Variants in GYPE observed in about 807,000 individuals in gnomAD.
GYPE encodes glycophorin-E.
Under a neutral mutation model 11.6 loss-of-function variants are expected in GYPE, and 8 were observed. The ratio of observed to expected loss-of-function variants is 0.69; its 90% CI spans 0.41 to 1.25. The LOEUF is 1.25. Ranked by LOEUF, GYPE falls within the 50% of genes most tolerant of loss-of-function variation. The pLI, the probability that GYPE is intolerant of heterozygous loss-of-function variation, is 0.01. For missense variants in GYPE, 90 were observed against 92.8 expected (o/e 0.97, Z 0.12); for synonymous variants, 28 against 29.6 (o/e 0.94, Z 0.18).
chr4:143,899,410 T>C (rs1292967258), intron 1 of GYPE, among the ~76,000 whole-genome samples: 1 of 152,224 alleles, frequency 6.6e-6, no homozygotes, highest in Non-Finnish European at 1.5e-5. Flanking sequence ...CTCTACCTTA[T>C]AGAATTATTG....
intron 3 of GYPE, among the ~76,000 whole-genome samples, chr4:143,876,008 CA>C (rs551065881): frequency 6.6e-6 from 1 of 150,780 alleles, no homozygotes; most frequent in Admixed American, 6.6e-5. Context: ...ATTAATGATT[CA>C]AAAAAAATCA....
chr4:143,878,595 T>C (rs1743898369), intron 2 of GYPE: 1 of 465,844 alleles, frequency 2.1e-6, no homozygotes, highest in South Asian at 1.6e-5. Context: ...AATGGGATAG[T>C]TTAAAATGGA....
rs1344992926 is a variant in GYPE at position 143,872,263 on chromosome 4, G to A, written c.*10-11C>T. The A allele has an allele frequency of 1.3e-5, 2 of 152,454 alleles. No homozygotes were observed. Among genetic ancestry groups the A allele is most frequent in the Non-Finnish European group, 2.9e-5 (2 of 68,000 alleles). The allele number at this position is 152,454 out of a possible 1,614,324, so 9.4% of individuals were successfully genotyped here. A position where few individuals can be genotyped will look rare whatever the true frequency, so the allele number is the denominator to read the frequency against. ...CAGAGGCATGAAAACCTAGAAAAAA[G>A]AAAGTAGCTGTATAGCTTTCATTTA... On this transcript the variant is annotated splice_polypyrimidine_tract_variant and intron_variant, in intron 3 of 3. Coordinates refer to ENST00000358615, the MANE Select transcript of GYPE (RefSeq NM_198682.3).
At chr4:143,875,334 T>C in intron 3 of GYPE, 1 of 793,562 alleles carries the variant, frequency 1.3e-6, no homozygotes, top group East Asian at 2.7e-5. Flanking sequence ...TTTTGTTTTA[T>C]TTTTATTTAG....
intron 1 of GYPE, among the ~76,000 whole-genome samples, chr4:143,881,620 G>A (rs1201986854): frequency 6.6e-6 from 1 of 152,118 alleles, no homozygotes; most frequent in Non-Finnish European, 1.5e-5. Context: ...TCCCTATGCT[G>A]TCAAATATTC....
intron 1 of GYPE, among the ~76,000 whole-genome samples, chr4:143,902,690 T>C (rs1305824743): frequency 2.0e-5 from 3 of 152,024 alleles, no homozygotes. Context: ...ACCAATATGC[T>C]ACTATAAATA....
intron 1 of GYPE, among the ~76,000 whole-genome samples, chr4:143,905,008 G>A (rs113068160): frequency 0.02 from 3,010 of 151,872 alleles, 115 homozygotes; most frequent in African/African-American, 0.069. Context: ...ACAGAGAAGC[G>A]AACAACTCCC....
chr4:143,881,452 A>T (rs1744019940), intron 1 of GYPE, among the ~76,000 whole-genome samples: 1 of 152,156 alleles, frequency 6.6e-6, no homozygotes, highest in Non-Finnish European at 1.5e-5. Context: ...ATTCATCTAC[A>T]GTCAGCCTAT....
intron 1 of GYPE, among the ~76,000 whole-genome samples, chr4:143,896,933 C>T (rs960253750): frequency 6.6e-6 from 1 of 151,458 alleles, no homozygotes; most frequent in African/African-American, 2.4e-5. Context: ...CGCATGTTCT[C>T]ACTCATAGAT....
chr4:143,902,598 TTTTTCC>T (rs1744909217), intron 1 of GYPE, among the ~76,000 whole-genome samples: 1 of 152,028 alleles, frequency 6.6e-6, no homozygotes, highest in African/African-American at 2.4e-5. Flanking sequence ...CTTTCCTTCC[TTTTTCC>T]TTTTCCTTCT....
intron 3 of GYPE, among the ~76,000 whole-genome samples, chr4:143,874,880 C>A (rs950668994): frequency 6.6e-6 from 1 of 152,146 alleles, no homozygotes; most frequent in African/African-American, 2.4e-5. Flanking sequence ...CTGTGCCTGT[C>A]ATTCTCTTTA....
intron 1 of GYPE, among the ~76,000 whole-genome samples, chr4:143,883,624 T>G (rs1174360287): frequency 1.4e-5 from 2 of 147,546 alleles, no homozygotes; most frequent in African/African-American, 4.9e-5. Context: ...AATTATAAAT[T>G]TATAATTAAT....
In GYPE at chr4:143,897,627, CTTGA is replaced by C. The variant is rs1205258469; in HGVS notation, c.37+7840_37+7843del. On this transcript the variant is annotated intron_variant, in intron 1 of 3. Coordinates refer to ENST00000358615, the MANE Select transcript of GYPE (RefSeq NM_198682.3). ...GCACATTAACAGTGTCTCAATAATA[CTTGA>C]TTATGTTTTGAGCCTGATGAACCTG... is the stretch of plus-strand genomic sequence containing the variant. Among the ~76,000 whole-genome samples the C allele has an allele frequency of 5.3e-5, 8 of 152,250 alleles. No individual in the cohort carries two copies. In the South Asian group the frequency reaches 1.7e-3, roughly 32 times the overall value.
intron 1 of GYPE, among the ~76,000 whole-genome samples, chr4:143,901,464 C>A (rs1219117900): frequency 1.2e-4 from 3 of 25,872 alleles, no homozygotes; most frequent in African/African-American, 1.2e-4. Context: ...CTCAGAGATA[C>A]ACCCGGAATT....
intron 1 of GYPE, among the ~76,000 whole-genome samples, chr4:143,884,072 C>A (rs1380630650): frequency 6.6e-6 from 1 of 151,774 alleles, no homozygotes; most frequent in East Asian, 1.9e-4. Context: ...TCCTGCTTGC[C>A]TCACATCTTC....
intron 3 of GYPE, among the ~76,000 whole-genome samples, chr4:143,876,495 G>A (rs1743812792): frequency 6.6e-6 from 1 of 152,132 alleles, no homozygotes; most frequent in Non-Finnish European, 1.5e-5. Flanking sequence ...AAGCAAGTTA[G>A]ACAAAACTTA....
In GYPE at chr4:143,870,966, T is replaced by G. The variant is rs1743600873; in HGVS notation, c.*1296A>C. ...TGACCAAAGGGGAAACAAACACATC[T>G]TTCTTACATAGTGGCAGGAAGGAGA... On this transcript the variant is annotated 3_prime_UTR_variant, in exon 4 of 4. Transcript: ENST00000358615. 1 of 151,954 alleles carries G rather than the reference T, an allele frequency of 6.6e-6. No individual in the cohort carries two copies. Among genetic ancestry groups the G allele is most frequent in the South Asian group, 2.1e-4 (1 of 4,822 alleles). The allele number at this position is 151,954 out of a possible 1,614,324, so 9.4% of individuals were successfully genotyped here.
chr4:143,895,078 C>T (rs1245858981), intron 1 of GYPE, among the ~76,000 whole-genome samples: 1 of 152,134 alleles, frequency 6.6e-6, no homozygotes, highest in Non-Finnish European at 1.5e-5. Flanking sequence ...TGGAAGCATT[C>T]CCTTTGAAAA....
chr4:143,895,915 C>A (rs1744610493), intron 1 of GYPE, among the ~76,000 whole-genome samples: 1 of 151,930 alleles, frequency 6.6e-6, no homozygotes, highest in Non-Finnish European at 1.5e-5. Flanking sequence ...GAAAGGATTC[C>A]CTATTTAATA....
Sources: gnomAD v4.1 joint callset for allele counts (sites outside exome capture counted in the v4.1 genomes callset) on GRCh38, gnomAD v4.1.1 for gene constraint, MANE v1.5 for transcripts, NCBI Gene and HGNC (gene_info 2026-07-23, HGNC 2026-07-21) for gene names.